The following BAHD1 variants were observed in gnomAD, a reference collection of about 807,000 sequenced individuals.
The protein encoded by BAHD1 is bromo adjacent homology domain containing 1, also known as bromo adjacent homology domain-containing 1 protein.
A neutral mutation model predicts 63.1 loss-of-function variants in BAHD1; 20 were observed. The observed-to-expected ratio is 0.32, with a 90% confidence interval of 0.22 to 0.46. BAHD1 has a LOEUF of 0.46. BAHD1 is among the 20% of genes least tolerant of loss of function. BAHD1 has a pLI of 1.00. For missense variants in BAHD1, 939 were observed against 1,071.8 expected, an observed-to-expected ratio of 0.88 and a Z score of 1.73; for synonymous variants, 408 against 426.8, an observed-to-expected ratio of 0.96 and a Z score of 0.54.
rs1312507807 is a variant in BAHD1, at chr15:40,466,870, T to C, written c.*740T>C. The C allele has an allele frequency of 2.6e-5, 4 of 152,316 alleles. No homozygotes were observed. Among genetic ancestry groups the C allele is most frequent in the Non-Finnish European group, 5.9e-5 (4 of 68,046 alleles). The allele number at this position is 152,316 out of a possible 1,614,324, so 9.4% of individuals were successfully genotyped here. Reference sequence around the variant, plus strand: ...AAAGTTAACTGATGATTGTGGGGTTTGTCATATCTGGGAGGGAAGATGGGT... The same window carrying C: ...AAAGTTAACTGATGATTGTGGGGTTCGTCATATCTGGGAGGGAAGATGGGT... On this transcript the variant is annotated 3_prime_UTR_variant, in exon 7 of 7. Coordinates refer to ENST00000416165, the MANE Select transcript of BAHD1 (RefSeq NM_014952.5).
Position 40,459,678 on chromosome 15 carries a change from C to T in BAHD1, c.1214C>T (p.Ser405Phe), listed in dbSNP as rs1156846387. ...CCCATGCTTCCTGAGGGCAAGCTGT[C>T]CCCAGTGGCTGCACCTCACGAGGAG... ...PCPMLPEGKL[S>F]PVAAPHEEGL... is the part of the protein sequence containing the mutation. Residue 405 changes from serine (S) to phenylalanine (F), a missense_variant, in exon 2 of 7, where the codon TCC (serine) becomes TTC (phenylalanine). Coordinates refer to ENST00000416165, the MANE Select transcript of BAHD1 (RefSeq NM_014952.5). 7 of 1,614,010 alleles carry T rather than the reference C, an allele frequency of 4.3e-6. No individual in the cohort carries two copies. The highest frequency in any genetic ancestry group is 5.9e-6 in the Non-Finnish European group (7 of 1,179,952).
In BAHD1 at chr15:40,459,356, C is replaced by A. The variant is rs3803357; in HGVS notation, c.892C>A (p.Gln298Lys). The change falls in exon 2 of 7, where the codon CAG (glutamine) becomes AAG (lysine). Residue 298 changes from glutamine (Q) to lysine (K), a missense_variant. Gln to Lys is a moderately conservative substitution (Grantham distance 53, BLOSUM62 1). Coordinates refer to ENST00000416165, the MANE Select transcript of BAHD1 (RefSeq NM_014952.5). ...PCGPSVQPSH[Q>K]PLSKALESPL... ...TGGGCCATCCGTCCAGCCATCTCAT[C>A]AGCCCCTGAGCAAGGCTCTGGAGAG... The A allele has an allele frequency of 0.53, 852,123 of 1,612,696 alleles. 232,450 individuals carry two copies. The highest frequency in any genetic ancestry group is 0.81 in the East Asian group (36,475 of 44,840).
chr15:40,455,582 C>T (rs921227254), intron 1 of BAHD1, among the ~76,000 whole-genome samples: 10 of 152,186 alleles, frequency 6.6e-5, no homozygotes, highest in African/African-American at 2.2e-4. Context: ...CCAATCATCC[C>T]CCTGCTAAGA....
Position 40,458,764 on chromosome 15 carries a change from C to A in BAHD1, c.300C>A (p.Pro100=). The change falls in exon 2 of 7, where the codon CCC becomes CCA. Residue 100 remains proline, a synonymous_variant. Transcript: ENST00000416165. The surrounding 1 kb of genome is among the most constrained non-coding windows in gnomAD (Gnocchi z 4.7). ...TACCGCCTGACCTGCCCAAGCCCCC[C>A]AGCCCGGCCCCATCCAGTGAAGACC... ...DELPPDLPKP[P]SPAPSSEDPG... 1.2e-6 allele frequency: 2 copies of A among 1,613,312 alleles called. No individual in the cohort carries two copies. The highest frequency in any genetic ancestry group is 1.7e-6 in the Non-Finnish European group (2 of 1,180,028).
rs1893909888 is a variant in BAHD1 at position 40,458,368 on chromosome 15, G to T, written c.-14-83G>T. ...GTAGGCCAGGATCACTGCACCTGGG[G>T]CTGGGTAGGCTGCAGTGGGAGAGAA... On this transcript the variant is annotated intron_variant, in intron 1 of 6. Coordinates refer to ENST00000416165, the MANE Select transcript of BAHD1 (RefSeq NM_014952.5). The surrounding 1 kb of genome is among the most constrained non-coding windows in gnomAD (Gnocchi z 4.7). 6.7e-7 allele frequency: 1 copy of T among 1,494,710 alleles called. No homozygotes were observed. The allele number at this position is 1,494,710 out of a possible 1,614,324, so 92.6% of individuals were successfully genotyped here.
At chr15:40,437,643 C>A (rs1893300852), upstream of BAHD1, among the ~76,000 whole-genome samples, 1 of 152,182 alleles carries the variant, frequency 6.6e-6, no homozygotes, top group South Asian at 2.1e-4. Flanking sequence ...GGGGCTGCCC[C>A]ACTTCCAGGA....
Position 40,466,989 on chromosome 15 carries a change from A to G in BAHD1, c.*859A>G, listed in dbSNP as rs1278755375. The G allele has an allele frequency of 6.6e-6, 1 of 152,090 alleles. No individual in the cohort carries two copies. Among genetic ancestry groups the G allele is most frequent in the Non-Finnish European group, 1.5e-5 (1 of 67,968 alleles). 9.4% of individuals were successfully genotyped at this position (152,090 alleles called of 1,614,324 possible). A position where few individuals can be genotyped will look rare whatever the true frequency, so the allele number is the denominator to read the frequency against. On this transcript the variant is annotated 3_prime_UTR_variant, in exon 7 of 7. Transcript: ENST00000416165. ...GCCTTACACATGGAGGTTCCAGGAAACCTCTTGCAGAACTTCACACGTGAT... is the reference window on the plus strand; with the variant it reads ...GCCTTACACATGGAGGTTCCAGGAAGCCTCTTGCAGAACTTCACACGTGAT...
rs1290989985 is a variant in BAHD1, at chr15:40,441,008, G to GCCCGCCCGTCCGGCTGCCTGC, written c.-260_-240dup. Among the ~76,000 whole-genome samples, 4 of 148,286 alleles carry GCCCGCCCGTCCGGCTGCCTGC rather than the reference G, an allele frequency of 2.7e-5. No homozygotes were observed. The highest frequency in any genetic ancestry group is 9.8e-5 in the African/African-American group (4 of 40,890). ...CGGATCCCGGAGCCCGGCCCCCGCC[G>GCCCGCCCGTCCGGCTGCCTGC]CCCGCCCGTCCGGCTGCCTGCCCCG... On this transcript the variant is annotated 5_prime_UTR_variant, in exon 1 of 7. Coordinates refer to ENST00000416165, the MANE Select transcript of BAHD1 (RefSeq NM_014952.5).
At chr15:40,456,383 T>C (rs973595523) in intron 1 of BAHD1, among the ~76,000 whole-genome samples, 1 of 152,204 alleles carries the variant, frequency 6.6e-6, no homozygotes, top group Non-Finnish European at 1.5e-5. Flanking sequence ...TTAGGAGCTC[T>C]CCACCTGTGC....
intron 2 of BAHD1, among the ~76,000 whole-genome samples, chr15:40,461,472 T>A (rs984574993): frequency 1.3e-5 from 2 of 152,106 alleles, no homozygotes; most frequent in Admixed American, 6.5e-5. Context: ...ACCCTATCTC[T>A]ACTAAACATA....
intron 1 of BAHD1, among the ~76,000 whole-genome samples, chr15:40,450,260 G>A (rs192017460): frequency 2.6e-5 from 4 of 152,216 alleles, no homozygotes; most frequent in African/African-American, 4.8e-5. Context: ...AGTGGAGTGT[G>A]GGGGAGGCCT....
intron 1 of BAHD1, chr15:40,443,269 G>A (rs1893452927): frequency 2.0e-6 from 2 of 985,290 alleles, no homozygotes; most frequent in Admixed American, 6.1e-5. Flanking sequence ...ACCCCCCATG[G>A]ACCTCCCTGG....
chr15:40,446,322 C>A (rs1438742357), intron 1 of BAHD1, among the ~76,000 whole-genome samples: 2 of 152,260 alleles, frequency 1.3e-5, no homozygotes, highest in African/African-American at 4.8e-5. Context: ...AGCACCCTCA[C>A]TGAACACCGG....
intron 1 of BAHD1, among the ~76,000 whole-genome samples, chr15:40,450,234 C>T (rs755491266): frequency 6.6e-5 from 10 of 152,196 alleles, no homozygotes; most frequent in Non-Finnish European, 1.5e-4. Context: ...ATCTGCCTTG[C>T]GATTCTGCTC....
chr15:40,441,476 C>T (rs1480431163), intron 1 of BAHD1, among the ~76,000 whole-genome samples: 1 of 151,166 alleles, frequency 6.6e-6, no homozygotes, highest in Non-Finnish European at 1.5e-5. Context: ...GCTCGCGCCA[C>T]CTCCCTCCCC....
Position 40,461,955 on chromosome 15 carries a change from A to G in BAHD1, c.1476A>G (p.Glu492=), listed in dbSNP as rs1315593302. The part of the protein sequence containing the change: ...SLGQLEFPLP[E]AGHPASPAHP... ...GCCAGTTGGAATTTCCTCTCCCGGA[A>G]GCTGGCCACCCAGCCTCACCCGCCC... The change falls in exon 3 of 7, where the codon GAA becomes GAG. Residue 492 remains glutamate, a synonymous_variant. Transcript: ENST00000416165. 2 of 1,610,178 alleles carry G rather than the reference A, an allele frequency of 1.2e-6. No individual in the cohort carries two copies. The highest frequency in any genetic ancestry group is 1.7e-5 in the Admixed American group (1 of 59,840).
At chr15:40,440,504 G>A (rs1367462695), upstream of BAHD1, among the ~76,000 whole-genome samples, 3 of 151,290 alleles carry the variant, frequency 2.0e-5, no homozygotes, top group Non-Finnish European at 3.0e-5. Flanking sequence ...TCCAGCGCGT[G>A]CTGGGGAGGA....
chr15:40,450,000 G>A (rs1328003214), intron 1 of BAHD1, among the ~76,000 whole-genome samples: 1 of 152,126 alleles, frequency 6.6e-6, no homozygotes, highest in East Asian at 1.9e-4. Context: ...TCCAAGTGGT[G>A]CTCTAAGTCT....
Position 40,459,843 on chromosome 15 carries a change from C to T in BAHD1, c.1379C>T (p.Thr460Ile). The T allele has an allele frequency of 6.2e-7, 1 of 1,608,240 alleles. No homozygotes were observed. The highest frequency in any genetic ancestry group is 8.5e-7 in the Non-Finnish European group (1 of 1,176,874). ...SICGVLPLSV[T>I]HAGTTCGGCP... ...TGCGGAGTGTTGCCCCTGTCTGTTA[C>T]CCACGCTGGCACTACCTGTGGCGGC... is the stretch of plus-strand genomic sequence containing the variant. Residue 460 changes from threonine to isoleucine, a missense_variant, in exon 2 of 7, where the codon ACC (threonine) becomes ATC (isoleucine). Around this residue, in one of 5 missense-constraint regions of BAHD1, gnomAD observed 797 missense variants for 813.3 expected, o/e 0.98. Transcript: ENST00000416165.
Sources: gnomAD v4.1 joint callset for allele counts (sites outside exome capture counted in the v4.1 genomes callset) on GRCh38, gnomAD v4.1.1 for gene constraint, gnomAD v4.1.1 regional missense constraint, Gnocchi (gnomAD v3.1) non-coding constraint, MANE v1.5 for transcripts, NCBI Gene and HGNC (gene_info 2026-07-23, HGNC 2026-07-21) for gene names.